DNAH7: variants seen among roughly 807,000 people sequenced by gnomAD.
The protein encoded by DNAH7 is axonemal beta dynein heavy chain 7.
A neutral mutation model predicts 444.6 loss-of-function variants in DNAH7; 397 were observed. That is an observed-to-expected ratio of 0.89 (90% confidence interval 0.82 to 0.97). DNAH7 has a LOEUF of 0.97. Among genes scored for constraint, DNAH7 ranks in the 50% least tolerant of loss-of-function variants. DNAH7 has a pLI of 0.00. For missense variants in DNAH7, 4,902 were observed against 4,800.8 expected (o/e 1.02, Z -0.62); for synonymous variants, 1,636 against 1,624.4 (o/e 1.01, Z -0.17).
chr2:195,754,846 TA>T (rs1202229094), intron 62 of DNAH7, among the ~76,000 whole-genome samples: 1 of 152,146 alleles, frequency 6.6e-6, no homozygotes. Context: ...CACTACTTAA[TA>T]AAATGTATCC....
intron 9 of DNAH7, among the ~76,000 whole-genome samples, chr2:196,016,890 A>C (rs1202855210): frequency 6.6e-6 from 1 of 152,236 alleles, no homozygotes; most frequent in African/African-American, 2.4e-5. Context: ...ATGAGAGGGA[A>C]TTCTGTAAAC....
intron 5 of DNAH7, among the ~76,000 whole-genome samples, chr2:196,028,286 C>T (rs1188185787): frequency 6.6e-6 from 1 of 151,904 alleles, no homozygotes; most frequent in African/African-American, 2.4e-5. Context: ...ATCACACCCT[C>T]CTTGATGGCC....
At chr2:195,883,745 T>C (rs1701554083) in intron 35 of DNAH7, among the ~76,000 whole-genome samples, 1 of 152,158 alleles carries the variant, frequency 6.6e-6, no homozygotes, top group Non-Finnish European at 1.5e-5. Flanking sequence ...TGGGGTGACA[T>C]AGCAATACAT....
chr2:195,980,560 G>A (rs1052155875), intron 15 of DNAH7, among the ~76,000 whole-genome samples: 1 of 152,116 alleles, frequency 6.6e-6, no homozygotes, highest in South Asian at 2.1e-4. Context: ...TCAAAAAATA[G>A]AAAACTTTAA....
At chr2:195,963,545 C>T (rs1253595477) in intron 17 of DNAH7, among the ~76,000 whole-genome samples, 3 of 152,224 alleles carry the variant, frequency 2.0e-5, no homozygotes, top group Non-Finnish European at 2.9e-5. Context: ...CAAATATTTT[C>T]TCCCATGCTC....
intron 12 of DNAH7, among the ~76,000 whole-genome samples, chr2:195,988,706 TCTAG>T (rs1475753086): frequency 5.3e-5 from 8 of 152,190 alleles, no homozygotes; most frequent in African/African-American, 1.9e-4. Context: ...AATCCTCCCT[TCTAG>T]CTATTTTGAG....
chr2:195,755,185 C>G (rs764551982), intron 62 of DNAH7, among the ~76,000 whole-genome samples: 7 of 152,200 alleles, frequency 4.6e-5, no homozygotes, highest in Non-Finnish European at 8.8e-5. Context: ...CTTTTCTTCT[C>G]TCTCTAATTA....
chr2:196,058,860 C>T (rs1178840141), intron 1 of DNAH7, among the ~76,000 whole-genome samples: 1 of 152,058 alleles, frequency 6.6e-6, no homozygotes, highest in African/African-American at 2.4e-5. Flanking sequence ...GGAAATGTAT[C>T]AAGAAGAATC....
chr2:195,888,416 T>A lies in DNAH7; in HGVS notation c.5248A>T (p.Ile1750Phe), dbSNP rs1202470288. The A allele has an allele frequency of 3.8e-6, 6 of 1,589,748 alleles. No homozygotes were observed. Among genetic ancestry groups the A allele is most frequent in the Non-Finnish European group, 5.1e-6 (6 of 1,173,594 alleles). The change falls in exon 33 of 65, where the codon ATT (isoleucine) becomes TTT (phenylalanine). Residue 1750 changes from isoleucine (I) to phenylalanine (F), a missense_variant. Physicochemically the swap from Ile to Phe is conservative, Grantham distance 21. Coordinates refer to ENST00000312428, the MANE Select transcript of DNAH7 (RefSeq NM_018897.3). ...SPATVSRCGM[I>F]YMEPHMLGWR... ...CCTAACATGTGAGGCTCCATGTAAA[T>A]CATGCCACATCTGGAAACCTGGAAA...
At position 195,926,431 on chromosome 2, in the gene DNAH7, T is replaced by C. The variant is rs1215322839; in HGVS notation, c.3607A>G (p.Ile1203Val). The part of the protein sequence containing the change: ...KEVQTAIPMG[I>V]KALEQYLKTC... ...GAGGGTTAATAAAACCTTACCTTTA[T>C]CCCCATTGGAATAGCTGTTTGTACT... The change falls in exon 22 of 65, where the codon ATA becomes GTA. Residue 1203 changes from isoleucine (I) to valine (V), a missense_variant. Coordinates refer to ENST00000312428, the MANE Select transcript of DNAH7 (RefSeq NM_018897.3). 2 of 1,576,250 alleles carry C rather than the reference T, an allele frequency of 1.3e-6. No individual in the cohort carries two copies. The highest frequency in any genetic ancestry group is 1.9e-5 in the Admixed American group (1 of 53,300).
chr2:195,988,059 A>C lies in DNAH7; in HGVS notation c.1524T>G (p.Asp508Glu), dbSNP rs1559306970. The C allele has an allele frequency of 2.5e-6, 4 of 1,613,652 alleles. No homozygotes were observed. Among genetic ancestry groups the C allele is most frequent in the Non-Finnish European group, 3.4e-6 (4 of 1,179,788 alleles). Residue 508 changes from aspartate to glutamate, a missense_variant, in exon 13 of 65, where the codon GAT (aspartate) becomes GAG (glutamate). Transcript: ENST00000312428. Reference sequence around the variant, plus strand: ...GATTTTCTGCGAGGAAGTTATCAACATCTCGCTCAGCTTTTCTGGTAATTA... The same window carrying C: ...GATTTTCTGCGAGGAAGTTATCAACCTCTCGCTCAGCTTTTCTGGTAATTA... ...DFLITRKAER[D>E]VDNFLAENHS...
chr2:195,876,073 G>A (rs1384900717), intron 37 of DNAH7, among the ~76,000 whole-genome samples: 1 of 152,150 alleles, frequency 6.6e-6, no homozygotes, highest in Non-Finnish European at 1.5e-5. Flanking sequence ...TAGGTTAATA[G>A]CTTAGGACTT....
Position 195,960,958 on chromosome 2 carries a change from G to C in DNAH7, c.2206-13C>G, listed in dbSNP as rs745332069. 1.3e-6 allele frequency: 2 copies of C among 1,526,446 alleles called. No individual in the cohort carries two copies. Among genetic ancestry groups the C allele is most frequent in the African/African-American group, 1.4e-5 (1 of 72,044 alleles). 94.6% of individuals were successfully genotyped at this position (1,526,446 alleles called of 1,614,324 possible). Reference sequence around the variant, plus strand: ...TAAACTGCTCAATCTGAAAGGATAAGTATTGAATATATTAGTTATTTTGAA... The same window carrying C: ...TAAACTGCTCAATCTGAAAGGATAACTATTGAATATATTAGTTATTTTGAA... On this transcript the variant is annotated splice_polypyrimidine_tract_variant and intron_variant, in intron 17 of 64. Transcript: ENST00000312428.
intron 24 of DNAH7, among the ~76,000 whole-genome samples, chr2:195,919,605 A>G (rs182287500): frequency 2.5e-4 from 38 of 152,306 alleles, no homozygotes; most frequent in Non-Finnish European, 4.7e-4. Context: ...TCATCCTCCC[A>G]AAGTGCTGGG....
rs548534621 is a variant in DNAH7 at position 195,792,969 on chromosome 2, AC to A, written c.10716+1368del. On this transcript the variant is annotated intron_variant, in intron 57 of 64. Coordinates refer to ENST00000312428, the MANE Select transcript of DNAH7 (RefSeq NM_018897.3). ...AGAAATAGGGTCTTCTTGCTCTGTC[AC>A]CCAGGCTGGAGTGCAGTGGGATGAT... Among the ~76,000 whole-genome samples, 751 of 152,168 alleles carry A rather than the reference AC, an allele frequency of 4.9e-3. 11 individuals carry two copies. The highest frequency in any genetic ancestry group is 0.022 in the Admixed American group (329 of 15,282).
chr2:195,857,226 T>C, intron 44 of DNAH7, 151 bp downstream of exon 44: 1 of 647,874 alleles, frequency 1.5e-6, no homozygotes, highest in Non-Finnish European at 2.5e-6. Context: ...TGGCATAATC[T>C]TGCCTCCAGT....
chr2:195,919,033 G>A (rs1240874731), intron 24 of DNAH7, among the ~76,000 whole-genome samples: 1 of 151,978 alleles, frequency 6.6e-6, no homozygotes, highest in South Asian at 2.1e-4. Context: ...GGCAGATCAC[G>A]AGGTCAGGAG....
chr2:195,843,696 G>C (rs1378397073), intron 47 of DNAH7, among the ~76,000 whole-genome samples: 1 of 152,028 alleles, frequency 6.6e-6, no homozygotes, highest in African/African-American at 2.4e-5. Flanking sequence ...TCAAATTCTT[G>C]TAGAACAATT....
intron 63 of DNAH7, among the ~76,000 whole-genome samples, chr2:195,744,856 C>T (rs576557276): frequency 2.0e-5 from 3 of 152,284 alleles, no homozygotes; most frequent in South Asian, 2.1e-4. Flanking sequence ...CCCATCTGTA[C>T]ATCACCATCA....
Sources: allele counts gnomAD v4.1 joint callset (sites outside exome capture counted in the v4.1 genomes callset), GRCh38; gene constraint gnomAD v4.1.1; transcripts MANE v1.5; gene names NCBI Gene and HGNC (gene_info 2026-07-23, HGNC 2026-07-21).